FHOD3: variants seen among roughly 807,000 people sequenced by gnomAD.
The protein encoded by FHOD3 is formin homology 2 domain containing 3, also known as FH1/FH2 domain-containing protein 3.
A neutral mutation model predicts 173.0 loss-of-function variants in FHOD3; 90 were observed. The ratio of observed to expected loss-of-function variants is 0.52; its 90% CI spans 0.44 to 0.62. The LOEUF (loss-of-function observed/expected upper bound fraction) is 0.62, where lower values mean the gene tolerates loss of function less well. Among genes scored for constraint, FHOD3 ranks in the 20% least tolerant of loss-of-function variants. FHOD3 has a pLI of 0.00. For synonymous variants in FHOD3, 828 were observed against 823.0 expected (o/e 1.01, Z -0.10); for missense variants, 1,945 against 2,034.7 (o/e 0.96, Z 0.85).
At chr18:36,661,726 G>A (rs1050927721) in intron 14 of FHOD3, among the ~76,000 whole-genome samples, 1 of 152,142 alleles carries the variant, frequency 6.6e-6, no homozygotes, top group African/African-American at 2.4e-5. Flanking sequence ...ATAAAACTTG[G>A]AATGATAAAT....
At chr18:36,500,452 C>T (rs2146005632) in intron 3 of FHOD3, among the ~76,000 whole-genome samples, 1 of 152,316 alleles carries the variant, frequency 6.6e-6, no homozygotes, top group Admixed American at 6.5e-5. Context: ...GGGAATGTGG[C>T]TCTGCCCTGT....
At chr18:36,307,201 A>G (rs2092124082) in intron 1 of FHOD3, among the ~76,000 whole-genome samples, 1 of 152,072 alleles carries the variant, frequency 6.6e-6, no homozygotes, top group African/African-American at 2.4e-5. Context: ...TGACCTCGTA[A>G]TCTGCCCGCG....
At chr18:36,723,432 C>G (rs2040891594) in intron 19 of FHOD3, among the ~76,000 whole-genome samples, 1 of 152,100 alleles carries the variant, frequency 6.6e-6, no homozygotes, top group Non-Finnish European at 1.5e-5. Flanking sequence ...TACATCTCCC[C>G]GTCTCCCTTG....
intron 5 of FHOD3, among the ~76,000 whole-genome samples, chr18:36,571,391 A>T (rs1233492256): frequency 6.6e-6 from 1 of 152,242 alleles, no homozygotes; most frequent in African/African-American, 2.4e-5. Context: ...GAAGATGTAT[A>T]ATAAATAGAC....
At chr18:36,643,949 C>T (rs1347397420) in intron 10 of FHOD3, among the ~76,000 whole-genome samples, 2 of 152,248 alleles carry the variant, frequency 1.3e-5, no homozygotes, top group East Asian at 1.9e-4. Flanking sequence ...AGCTCAGCAA[C>T]ATTCATTTTC....
rs553799449 is a variant in FHOD3, at chr18:36,528,027, G to C, written c.511+15484G>C. Among the ~76,000 whole-genome samples the C allele has an allele frequency of 3.3e-5, 5 of 152,224 alleles. No homozygotes were observed. In the East Asian group the frequency reaches 9.7e-4, roughly 30 times the overall value. On this transcript the variant is annotated intron_variant, in intron 5 of 28. Coordinates refer to ENST00000590592, the MANE Select transcript of FHOD3 (RefSeq NM_001281740.3). ...TGCCCCTTGCCCTTCCCCCTGACTA[G>C]GTGGTGTTCTCCCTGAGGACCACAC...
intron 5 of FHOD3, among the ~76,000 whole-genome samples, chr18:36,543,103 C>A (rs1033273595): frequency 6.6e-6 from 1 of 152,160 alleles, no homozygotes; most frequent in African/African-American, 2.4e-5. Context: ...TGGGTCCTTC[C>A]TGAGCGTCCA....
chr18:36,703,816 G>T (rs925687382), intron 17 of FHOD3, among the ~76,000 whole-genome samples: 1 of 152,176 alleles, frequency 6.6e-6, no homozygotes, highest in Non-Finnish European at 1.5e-5. Flanking sequence ...AGGAAAGCAT[G>T]GTCACATTCT....
At chr18:36,501,397 C>T (rs559354846) in intron 3 of FHOD3, among the ~76,000 whole-genome samples, 44 of 152,212 alleles carry the variant, frequency 2.9e-4, no homozygotes, top group Non-Finnish European at 4.6e-4. Context: ...GCCTGAGGAG[C>T]GCTCAAGGCA....
chr18:36,605,096 C>T (rs2031907961), intron 8 of FHOD3, among the ~76,000 whole-genome samples: 1 of 152,144 alleles, frequency 6.6e-6, no homozygotes, highest in African/African-American at 2.4e-5. Flanking sequence ...AAGAATTCTG[C>T]TTTTATTTTC....
chr18:36,553,030 G>C (rs375686498), intron 5 of FHOD3, among the ~76,000 whole-genome samples: 33 of 150,636 alleles, frequency 2.2e-4, no homozygotes, highest in East Asian at 9.7e-4. Flanking sequence ...TAGCATGAAG[G>C]GTTGTTGAAT....
intron 8 of FHOD3, among the ~76,000 whole-genome samples, chr18:36,610,740 C>T (rs2032589004): frequency 1.3e-5 from 2 of 152,208 alleles, no homozygotes; most frequent in South Asian, 4.1e-4. Flanking sequence ...ATGATCTTTA[C>T]AGAAGTGTTG....
chr18:36,485,666 G>T (rs1295349886), intron 3 of FHOD3, among the ~76,000 whole-genome samples: 1 of 152,172 alleles, frequency 6.6e-6, no homozygotes, highest in Non-Finnish European at 1.5e-5. Flanking sequence ...CATGCTAGGT[G>T]AACCTGAAAC....
intron 18 of FHOD3, among the ~76,000 whole-genome samples, chr18:36,715,839 G>A (rs958034568): frequency 2.0e-5 from 3 of 152,236 alleles, no homozygotes; most frequent in African/African-American, 7.2e-5. Flanking sequence ...TATGGTTTGA[G>A]TAAAGACAAG....
intron 21 of FHOD3, among the ~76,000 whole-genome samples, chr18:36,742,205 G>A (rs2041936300): frequency 6.6e-6 from 1 of 152,128 alleles, no homozygotes; most frequent in Admixed American, 6.6e-5. Flanking sequence ...AGAGCAGGCT[G>A]GAGGTCTGAG....
In FHOD3 at chr18:36,717,964, A is replaced by G. The variant is rs1454152905; in HGVS notation, c.2666A>G (p.Asp889Gly). Residue 889 changes from aspartate to glycine, a missense_variant, in exon 19 of 29, where the codon GAT becomes GGT. By Grantham distance (94) the Asp-to-Gly change is moderately conservative. Transcript: ENST00000590592. Reference protein sequence around the residue: ...RKSPDDEEKGDGEAGRTQQEA... With the variant: ...RKSPDDEEKGGGEAGRTQQEA... ...TCTCCGGATGATGAGGAGAAGGGGG[A>G]TGGGGAGGCTGGGAGGACCCAGCAG... 1 of 1,613,794 alleles carries G rather than the reference A, an allele frequency of 6.2e-7. No individual in the cohort carries two copies.
chr18:36,718,244 G>C lies in FHOD3; in HGVS notation c.2946G>C (p.Gln982His). The C allele has an allele frequency of 6.2e-7, 1 of 1,614,168 alleles. No homozygotes were observed. Among genetic ancestry groups the C allele is most frequent in the Non-Finnish European group, 8.5e-7 (1 of 1,180,024 alleles). ...PKTESDYIWD[Q>H]LMANPRELRI... ...CAGAGTCTGATTACATCTGGGACCAGCTCATGGCCAATCCAAGAGAGCTCA... is the reference window on the plus strand; with the variant it reads ...CAGAGTCTGATTACATCTGGGACCACCTCATGGCCAATCCAAGAGAGCTCA... The change falls in exon 19 of 29, where the codon CAG becomes CAC. Residue 982 changes from glutamine to histidine, a missense_variant. By Grantham distance (24) the Gln-to-His change is conservative. Coordinates refer to ENST00000590592, the MANE Select transcript of FHOD3 (RefSeq NM_001281740.3).
chr18:36,632,880 A>T (rs2034616465), intron 10 of FHOD3, among the ~76,000 whole-genome samples: 1 of 152,220 alleles, frequency 6.6e-6, no homozygotes, highest in Non-Finnish European at 1.5e-5. Context: ...GTGAGAGTTT[A>T]TTAAAAAATT....
At chr18:36,348,345 A>AT (rs1320074099) in intron 1 of FHOD3, among the ~76,000 whole-genome samples, 5 of 152,158 alleles carry the variant, frequency 3.3e-5, no homozygotes, top group African/African-American at 1.2e-4. Flanking sequence ...TTAGAGCTGT[A>AT]TGTGCCTGAA....
Sources: allele counts gnomAD v4.1 joint callset (sites outside exome capture counted in the v4.1 genomes callset), GRCh38; gene constraint gnomAD v4.1.1; transcripts MANE v1.5; gene names NCBI Gene and HGNC (gene_info 2026-07-23, HGNC 2026-07-21).